The following CDHR2 variants were observed in gnomAD, a reference collection of about 807,000 sequenced individuals.
The protein encoded by CDHR2 is cadherin related family member 2, also known as cadherin-related family member 2.
A neutral mutation model predicts 138.6 loss-of-function variants in CDHR2; 104 were observed. The observed-to-expected ratio is 0.75, with a 90% CI of 0.64 to 0.88. The LOEUF (loss-of-function observed/expected upper bound fraction) is 0.88. CDHR2 is among the 40% of genes least tolerant of loss of function. The pLI is 0.00. For synonymous variants in CDHR2, 755 were observed against 742.8 expected (o/e 1.02, Z -0.27); for missense variants, 1,624 against 1,727.6 (o/e 0.94, Z 1.06).
intron 1 of CDHR2, among the ~76,000 whole-genome samples, chr5:176,551,652 G>A (rs1757706767): frequency 6.7e-6 from 1 of 149,048 alleles, no homozygotes; most frequent in African/African-American, 2.5e-5. Flanking sequence ...TAAAAAATGA[G>A]AACTATTGGT....
chr5:176,567,389 C>A (rs891944601), intron 3 of CDHR2, among the ~76,000 whole-genome samples: 1 of 152,144 alleles, frequency 6.6e-6, no homozygotes, highest in Non-Finnish European at 1.5e-5. Context: ...AGGCTGGTCT[C>A]AAACTCCTGG....
At position 176,592,781 on chromosome 5, in the gene CDHR2, G is replaced by C; in HGVS notation, c.3792+1G>C. Reference sequence around the variant, plus strand: ...GGACAAGAACAGTCAGGAAATCAAGGCAAGATGGGGGATGAATTGGTGCCT... The same window carrying C: ...GGACAAGAACAGTCAGGAAATCAAGCCAAGATGGGGGATGAATTGGTGCCT... On this transcript the variant is annotated splice_donor_variant, in intron 31 of 31. Coordinates refer to ENST00000261944, the MANE Select transcript of CDHR2 (RefSeq NM_017675.6). LOFTEE classifies it high-confidence loss of function. 1 of 1,613,604 alleles carries C rather than the reference G, an allele frequency of 6.2e-7. No homozygotes were observed. Among genetic ancestry groups the C allele is most frequent in the Non-Finnish European group, 8.5e-7 (1 of 1,179,680 alleles).
Position 176,577,679 on chromosome 5 carries a change from A to G in CDHR2, c.1393A>G (p.Met465Val), listed in dbSNP as rs34767982. ...DSVSQNFSVA[M>V]VTIHLRDIND... ...CGTCAGCCAGAACTTCTCCGTCGCC[A>G]TGGTGACCATCCACCTTAGAGACAT... Residue 465 changes from methionine to valine, a missense_variant, in exon 14 of 32, where the codon ATG becomes GTG. By Grantham distance (21) the Met-to-Val change is conservative. This residue lies in a region of CDHR2 where 1,061 missense variants were observed against 1,136.6 expected (regional missense o/e 0.93). Transcript: ENST00000261944. The G allele has an allele frequency of 9.3e-6, 15 of 1,614,200 alleles. No homozygotes were observed. Among genetic ancestry groups the G allele is most frequent in the Non-Finnish European group, 1.3e-5 (15 of 1,180,026 alleles).
chr5:176,552,852 A>G (rs1277385655), intron 1 of CDHR2, among the ~76,000 whole-genome samples: 1 of 152,222 alleles, frequency 6.6e-6, no homozygotes, highest in Non-Finnish European at 1.5e-5. Flanking sequence ...GCTGGGCAGG[A>G]ACCCTGGCCT....
chr5:176,575,482 A>T (rs762025143), intron 9 of CDHR2, 24 bp from the exon 10 acceptor site: 3 of 1,613,908 alleles, frequency 1.9e-6, no homozygotes, highest in Non-Finnish European at 2.5e-6. Context: ...AAGTTTGAGG[A>T]GCACTGACCA....
Position 176,558,211 on chromosome 5 carries a change from C to CCTATT in CDHR2, c.-15-7127_-15-7126insCTATT. Reference sequence around the variant, plus strand: ...GGTTTTGCTTGCTTAGTTTTCTTTTCTTATTTTTTTTTTTTTTTTTTTGAG... The same window carrying CCTATT: ...GGTTTTGCTTGCTTAGTTTTCTTTTCCTATTTTATTTTTTTTTTTTTTTTTTTGAG... On this transcript the variant is annotated intron_variant, in intron 1 of 31. Transcript: ENST00000261944. Among the ~76,000 whole-genome samples the CCTATT allele has an allele frequency of 3.5e-5, 2 of 57,542 alleles. 1 individual carries two copies. 37.7% of individuals were successfully genotyped at this position (57,542 alleles called of 152,430 possible). A position where few individuals can be genotyped will look rare whatever the true frequency, so the allele number is the denominator to read the frequency against.
rs772184940 is a variant in CDHR2 at position 176,578,428 on chromosome 5, G to A, written c.1638G>A (p.Leu546=). ...GTVTVRNGEL[L]DRESQAVYYL... ...TGACGGTGAGGAACGGTGAGCTGCT[G>A]GACCGGGAGAGCCAGGCCGTGTACT... Residue 546 remains leucine (L), a synonymous_variant, in exon 16 of 32, where the codon CTG becomes CTA. Transcript: ENST00000261944. 3.1e-6 allele frequency: 5 copies of A among 1,613,976 alleles called. No individual in the cohort carries two copies. The South Asian group carries it at 4.4e-5, about 14-fold the overall frequency.
chr5:176,580,104 A>G (rs1354105284), intron 16 of CDHR2, among the ~76,000 whole-genome samples: 1 of 152,126 alleles, frequency 6.6e-6, no homozygotes, highest in African/African-American at 2.4e-5. Flanking sequence ...CTGGCAGGAC[A>G]GGAACACACA....
At chr5:176,545,110 CCTTTT>C (rs934166724), upstream of CDHR2, among the ~76,000 whole-genome samples, 1 of 151,938 alleles carries the variant, frequency 6.6e-6, no homozygotes, top group African/African-American at 2.4e-5. Flanking sequence ...TTTCTTTTTT[CCTTTT>C]CTTTTTTTGT....
At chr5:176,581,096 C>T (rs944371406) in intron 16 of CDHR2, among the ~76,000 whole-genome samples, 3 of 152,094 alleles carry the variant, frequency 2.0e-5, no homozygotes, top group Non-Finnish European at 4.4e-5. Flanking sequence ...GGGCTGGGCA[C>T]GTAGGTCCAC....
At chr5:176,548,696 T>C (rs1335717647), upstream of CDHR2, among the ~76,000 whole-genome samples, 1 of 151,938 alleles carries the variant, frequency 6.6e-6, no homozygotes, top group African/African-American at 2.4e-5. Flanking sequence ...TGAGCCAAGA[T>C]TGTGCCACTT....
chr5:176,574,601 C>A (rs1264975045), intron 7 of CDHR2, among the ~76,000 whole-genome samples: 2 of 152,202 alleles, frequency 1.3e-5, no homozygotes, highest in African/African-American at 4.8e-5. Context: ...TGCTCAAGTC[C>A]CTGACATGCA....
Position 176,590,007 on chromosome 5 carries a change from C to G in CDHR2, c.3207-71C>G. On this transcript the variant is annotated intron_variant, in intron 24 of 31. Transcript: ENST00000261944. ...TTTCTCACTCATACAATTCTTAATC[C>G]CACTGGCACAGCCCTGGCCACAGGC... 2.4e-6 allele frequency: 3 copies of G among 1,249,944 alleles called. No homozygotes were observed. The South Asian group carries it at 3.6e-5, about 15-fold the overall frequency. The allele number at this position is 1,249,944 out of a possible 1,614,324, so 77.4% of individuals were successfully genotyped here.
intron 17 of CDHR2, among the ~76,000 whole-genome samples, chr5:176,582,507 G>A (rs1758555535): frequency 6.6e-6 from 1 of 152,198 alleles, no homozygotes; most frequent in South Asian, 2.1e-4. Flanking sequence ...GGCGGGCCTA[G>A]TTGCTGTGGC....
chr5:176,560,822 G>A (rs747854008), intron 1 of CDHR2, among the ~76,000 whole-genome samples: 2 of 152,230 alleles, frequency 1.3e-5, no homozygotes, highest in Admixed American at 1.3e-4. Context: ...AAGATTGTCA[G>A]CCTTCCTGAT....
upstream of CDHR2, among the ~76,000 whole-genome samples, chr5:176,546,181 A>G (rs185565001): frequency 4.6e-4 from 70 of 152,292 alleles, no homozygotes; most frequent in Non-Finnish European, 8.4e-4. Context: ...CTTCCTTCAG[A>G]GAGGAATCTG....
intron 1 of CDHR2, among the ~76,000 whole-genome samples, chr5:176,558,673 C>A (rs966759081): frequency 6.6e-6 from 1 of 152,206 alleles, no homozygotes; most frequent in Non-Finnish European, 1.5e-5. Context: ...GCGTGAGCCA[C>A]CGCGCCTGGC....
At position 176,589,215 on chromosome 5, in the gene CDHR2, G is replaced by A. The variant is rs375158018; in HGVS notation, c.3008+33G>A. On this transcript the variant is annotated intron_variant, in intron 22 of 31. Transcript: ENST00000261944. ...CGGGCGGCCCCGGGAGGGAGGTTGC[G>A]GGGAGGGGCCCGATAGGAGCTTTCA... 4.7e-5 allele frequency: 75 copies of A among 1,612,820 alleles called. No individual in the cohort carries two copies. In the Middle Eastern group the frequency reaches 9.9e-4, roughly 21 times the overall value.
chr5:176,557,451 C>G (rs1757859554), intron 1 of CDHR2, among the ~76,000 whole-genome samples: 1 of 152,136 alleles, frequency 6.6e-6, no homozygotes, highest in African/African-American at 2.4e-5. Flanking sequence ...AGTGGTCCAT[C>G]TGCCTTGGCC....
Sources: gnomAD v4.1 joint callset for allele counts (sites outside exome capture counted in the v4.1 genomes callset) on GRCh38, gnomAD v4.1.1 for gene constraint, gnomAD v4.1.1 regional missense constraint, MANE v1.5 for transcripts, NCBI Gene and HGNC (gene_info 2026-07-23, HGNC 2026-07-21) for gene names.